Variants in SGCD observed in about 807,000 individuals in gnomAD.
SGCD encodes sarcoglycan delta, also known as delta-sarcoglycan.
SGCD carries 18 observed loss-of-function variants against 36.6 expected under a neutral mutation model. The ratio of observed to expected loss-of-function variants is 0.49; its 90% CI spans 0.34 to 0.73. SGCD has a LOEUF of 0.73. SGCD is among the 30% of genes least tolerant of loss of function. The pLI is 0.01. For synonymous variants in SGCD, 133 were observed against 130.6 expected (o/e 1.02, Z -0.12); for missense variants, 387 against 346.7 (o/e 1.12, Z -0.92).
At chr5:156,227,282 G>C (rs1764884645) in intron 3 of SGCD, among the ~76,000 whole-genome samples, 1 of 152,030 alleles carries the variant, frequency 6.6e-6, no homozygotes, top group Non-Finnish European at 1.5e-5. Flanking sequence ...TTTATATAAG[G>C]TAAGAGATGA....
intron 6 of SGCD, among the ~76,000 whole-genome samples, chr5:156,612,910 T>G (rs1320459514): frequency 6.6e-6 from 1 of 152,200 alleles, no homozygotes; most frequent in Non-Finnish European, 1.5e-5. Context: ...TCGGGGCCTA[T>G]AAAGACTGCA....
chr5:156,533,996 C>T (rs183092293), intron 4 of SGCD, among the ~76,000 whole-genome samples: 1 of 152,052 alleles, frequency 6.6e-6, no homozygotes, highest in African/African-American at 2.4e-5. Flanking sequence ...CTTTTATCTC[C>T]TTCAAATGTT....
intron 1 of SGCD, among the ~76,000 whole-genome samples, chr5:156,099,238 G>T (rs1203802943): frequency 6.6e-6 from 1 of 152,146 alleles, no homozygotes; most frequent in African/African-American, 2.4e-5. Flanking sequence ...TGGAGTTAAT[G>T]GTTGTGCTTG....
At chr5:156,692,346 G>T (rs140992975) in intron 7 of SGCD, among the ~76,000 whole-genome samples, 28 of 152,172 alleles carry the variant, frequency 1.8e-4, no homozygotes, top group African/African-American at 6.5e-4. Context: ...GGGTGACAGC[G>T]TGGGGAGATA....
At chr5:156,653,647 TA>T (rs1215083455) in intron 7 of SGCD, among the ~76,000 whole-genome samples, 2 of 151,846 alleles carry the variant, frequency 1.3e-5, no homozygotes, top group East Asian at 1.9e-4. Flanking sequence ...GATGACCAAT[TA>T]TTGATAGATT....
intron 1 of SGCD, among the ~76,000 whole-genome samples, chr5:155,883,300 T>A (rs894270859): frequency 3.3e-5 from 5 of 152,232 alleles, no homozygotes; most frequent in African/African-American, 1.2e-4. Flanking sequence ...AAACTTTTCT[T>A]TTGCATTTAC....
chr5:155,841,034 A>AAAAACGTGGGCT, the SGCD span, among the ~76,000 whole-genome samples: 1 of 133,558 alleles, frequency 7.5e-6, no homozygotes, highest in African/African-American at 2.8e-5. Flanking sequence ...AAAAAAAAAG[A>AAAAACGTGGGCT]CTGGGGCACT....
chr5:156,228,593 G>A (rs1006061807), intron 3 of SGCD, among the ~76,000 whole-genome samples: 3 of 152,058 alleles, frequency 2.0e-5, no homozygotes, highest in Non-Finnish European at 4.4e-5. Flanking sequence ...GATCAATTCT[G>A]CAATTCTATA....
chr5:156,656,392 C>G (rs541216489), intron 7 of SGCD, among the ~76,000 whole-genome samples: 1 of 151,816 alleles, frequency 6.6e-6, no homozygotes, highest in Non-Finnish European at 1.5e-5. Flanking sequence ...TACTTAGAAG[C>G]GTTTAGGTAA....
chr5:156,406,790 TTATATATATA>T (rs200600544), intron 3 of SGCD, among the ~76,000 whole-genome samples: 28 of 75,664 alleles, frequency 3.7e-4, no homozygotes, highest in African/African-American at 1.2e-3. Context: ...ATAGGAGATT[TTATATATATA>T]TATATATATA....
Position 155,984,445 on chromosome 5 carries a change from A to G in SGCD, c.-282+114021A>G, listed in dbSNP as rs142296302. On this transcript the variant is annotated intron_variant, in intron 1 of 9. Transcript: ENST00000517913. ...AATAGCCCAGAGGAACAGCTTGAGT[A>G]TCATTTCATGTACATGACCGTTTCT... is the stretch of plus-strand genomic sequence containing the variant. Among the ~76,000 whole-genome samples the G allele has an allele frequency of 2.2e-3, 341 of 152,358 alleles. 3 individuals carry two copies. Among genetic ancestry groups the G allele is most frequent in the African/African-American group, 7.9e-3 (330 of 41,596 alleles).
intron 1 of SGCD, among the ~76,000 whole-genome samples, chr5:156,057,932 A>G (rs1760102149): frequency 6.8e-6 from 1 of 146,462 alleles, no homozygotes; most frequent in Non-Finnish European, 1.5e-5. Flanking sequence ...TGTCTTACAT[A>G]TACAGGGTAT....
chr5:156,101,941 TGAGAGA>T (rs67401229), intron 1 of SGCD, among the ~76,000 whole-genome samples: 80 of 138,338 alleles, frequency 5.8e-4, no homozygotes, highest in African/African-American at 1.7e-3. Context: ...TGTGTGTGTG[TGAGAGA>T]GAGAGAGAGA....
At chr5:156,737,566 A>T (rs757275853) in intron 7 of SGCD, among the ~76,000 whole-genome samples, 8 of 152,174 alleles carry the variant, frequency 5.3e-5, no homozygotes, top group Non-Finnish European at 1.2e-4. Context: ...AGCTATGTGG[A>T]TCACCTACTT....
intron 6 of SGCD, among the ~76,000 whole-genome samples, chr5:156,635,703 C>T: frequency 6.6e-6 from 1 of 152,026 alleles, no homozygotes; most frequent in East Asian, 1.9e-4. Flanking sequence ...TACTATGCAG[C>T]CATAAAAAAT....
chr5:156,662,065 C>A (rs371201282), intron 7 of SGCD, among the ~76,000 whole-genome samples: 1 of 148,498 alleles, frequency 6.7e-6, no homozygotes, highest in Admixed American at 6.6e-5. Context: ...AATTTAATTT[C>A]TTTTGTTGCC....
intron 1 of SGCD, among the ~76,000 whole-genome samples, chr5:155,964,518 C>T (rs1043380450): frequency 1.3e-5 from 2 of 151,880 alleles, no homozygotes; most frequent in Non-Finnish European, 2.9e-5. Context: ...TTCTATTTTT[C>T]GTAGAGACAG....
intron 1 of SGCD, among the ~76,000 whole-genome samples, chr5:155,872,862 T>C (rs1755683361): frequency 6.6e-6 from 1 of 152,178 alleles, no homozygotes; most frequent in Non-Finnish European, 1.5e-5. Context: ...GCATTCGTTG[T>C]TAGTTGAAGT....
At chr5:156,017,571 T>C (rs1759011517) in intron 1 of SGCD, among the ~76,000 whole-genome samples, 1 of 151,980 alleles carries the variant, frequency 6.6e-6, no homozygotes, top group Non-Finnish European at 1.5e-5. Flanking sequence ...TTATTATAGT[T>C]AGAAGACTTT....
Sources: gnomAD v4.1 joint callset for allele counts (sites outside exome capture counted in the v4.1 genomes callset) on GRCh38, gnomAD v4.1.1 for gene constraint, MANE v1.5 for transcripts, NCBI Gene and HGNC (gene_info 2026-07-23, HGNC 2026-07-21) for gene names.